The following TENM1 variants were observed in gnomAD, a reference collection of about 807,000 sequenced individuals.
The protein encoded by TENM1 is teneurin-1.
TENM1 carries 35 observed loss-of-function variants against 174.8 expected under a neutral mutation model. The ratio of observed to expected loss-of-function variants is 0.20; its 90% CI spans 0.15 to 0.27. The LOEUF is 0.27. TENM1 is among the 10% of genes least tolerant of loss of function. TENM1 has a pLI of 1.00. For missense variants in TENM1, 1,633 were observed against 2,130.1 expected (o/e 0.77, Z 4.59); for synonymous variants, 781 against 798.7 (o/e 0.98, Z 0.37).
chrX:124,480,213 A>G (rs1479427406), intron 22 of TENM1, among the ~76,000 whole-genome samples: 2 of 111,808 alleles, frequency 1.8e-5, no homozygotes, highest in Non-Finnish European at 3.8e-5. Context: ...CCATTCATGA[A>G]AGCACTGGAA....
At position 124,385,870 on chromosome X, in the gene TENM1, G is replaced by C. The variant is rs778687296; in HGVS notation, c.5883C>G (p.Gly1961=). 4.1e-6 allele frequency: 5 copies of C among 1,210,055 alleles called. No homozygotes were observed. The South Asian group carries it at 8.8e-5, about 21-fold the overall frequency. The stretch of plus-strand genomic sequence containing the variant: ...CCAGATGCAGGGTCTGTAGCAATCG[G>C]CCATCTCGACTATAGTCTTGGATAA... Residue 1961 remains glycine (G), a synonymous_variant, in exon 29 of 32, where the codon GGC becomes GGG. Transcript: ENST00000422452.
At chrX:124,520,847 G>T (rs897067985) in intron 17 of TENM1, 63 bp from the exon 21 acceptor site, 24 of 1,009,975 alleles carry the variant, frequency 2.4e-5, no homozygotes, top group Non-Finnish European at 3.0e-5. Flanking sequence ...GGTAGATGAG[G>T]ATATTGCATG....
chrX:124,801,801 T>C (rs771066737), intron 3 of TENM1, among the ~76,000 whole-genome samples: 43 of 111,462 alleles, frequency 3.9e-4, no homozygotes, highest in Non-Finnish European at 7.5e-4. Context: ...AATCCCTCAG[T>C]ATTTGCTTTT....
chrX:125,061,398 G>A, the TENM1 span, among the ~76,000 whole-genome samples: 1 of 111,952 alleles, frequency 8.9e-6, no homozygotes, highest in Non-Finnish European at 1.9e-5. Flanking sequence ...TGCAAAGTTT[G>A]TCACTTAATT....
At chrX:124,722,133 A>C (rs1345185188) in intron 4 of TENM1, among the ~76,000 whole-genome samples, 1 of 112,570 alleles carries the variant, frequency 8.9e-6, no homozygotes, top group Non-Finnish European at 1.9e-5. Flanking sequence ...CAATGATTTT[A>C]GTTGAAAGGT....
the TENM1 span, among the ~76,000 whole-genome samples, chrX:125,182,180 C>A: frequency 9.1e-6 from 1 of 109,924 alleles, no homozygotes; most frequent in Non-Finnish European, 1.9e-5. Context: ...CTCATGGCCC[C>A]TTCCTCCATT....
Position 124,502,961 on chromosome X carries a change from C to T in TENM1, c.3445+599G>A, listed in dbSNP as rs769539572. Reference sequence around the variant, plus strand: ...AGTTCATGGCCTTATAAGATCGCCTCGCCTTAACCACCTGTTCCACAAAGT... The same window carrying T: ...AGTTCATGGCCTTATAAGATCGCCTTGCCTTAACCACCTGTTCCACAAAGT... On this transcript the variant is annotated intron_variant, in intron 19 of 31. Coordinates refer to ENST00000422452, the Ensembl canonical transcript of TENM1. Among the ~76,000 whole-genome samples the T allele has an allele frequency of 1.3e-4, 14 of 111,652 alleles. No homozygotes were observed. In the South Asian group the frequency reaches 2.2e-3, roughly 18 times the overall value.
intron 4 of TENM1, among the ~76,000 whole-genome samples, chrX:124,715,046 A>G (rs1301683427): frequency 8.9e-6 from 1 of 112,474 alleles, no homozygotes; most frequent in African/African-American, 3.2e-5. Context: ...CCTGTATTAA[A>G]AGGCTCAGGC....
chrX:124,914,224 T>C (rs1045865189), intron 1 of TENM1, among the ~76,000 whole-genome samples: 6 of 112,031 alleles, frequency 5.4e-5, no homozygotes, highest in Non-Finnish European at 1.1e-4. Flanking sequence ...TAATCTAATA[T>C]GGATCTCTAA....
intron 4 of TENM1, among the ~76,000 whole-genome samples, chrX:124,728,522 T>A (rs2053493076): frequency 9.0e-6 from 1 of 111,655 alleles, no homozygotes; most frequent in Non-Finnish European, 1.9e-5. Flanking sequence ...TCACTTAGTA[T>A]CACCTCATGA....
At chrX:124,812,448 C>T (rs1360502478) in intron 3 of TENM1, among the ~76,000 whole-genome samples, 3 of 111,283 alleles carry the variant, frequency 2.7e-5, no homozygotes, top group Non-Finnish European at 5.7e-5. Flanking sequence ...TCCTATAGAT[C>T]CATGCAACTC....
chrX:125,155,190 T>C, the TENM1 span, among the ~76,000 whole-genome samples: 16 of 111,488 alleles, frequency 1.4e-4, no homozygotes, highest in Middle Eastern at 4.6e-3. Context: ...AGATACACAG[T>C]GTCCACACAA....
chrX:124,469,402 A>G (rs188904032), intron 22 of TENM1, among the ~76,000 whole-genome samples: 1 of 111,582 alleles, frequency 9.0e-6, no homozygotes, highest in East Asian at 2.8e-4. Flanking sequence ...GGTAGGTACT[A>G]TTTCCATTTT....
the TENM1 span, among the ~76,000 whole-genome samples, chrX:125,102,830 C>T: frequency 8.9e-6 from 1 of 111,874 alleles, no homozygotes; most frequent in African/African-American, 3.2e-5. Context: ...TATTTCAGGT[C>T]TTATTACATC....
intron 11 of TENM1, among the ~76,000 whole-genome samples, chrX:124,635,249 T>C (rs776410071): frequency 8.0e-5 from 9 of 111,969 alleles, no homozygotes; most frequent in Non-Finnish European, 1.7e-4. Flanking sequence ...AAGTTATTCA[T>C]GGTCACTGTG....
intron 25 of TENM1, among the ~76,000 whole-genome samples, chrX:124,406,902 A>G (rs1419370626): frequency 9.0e-6 from 1 of 111,628 alleles, no homozygotes; most frequent in African/African-American, 3.3e-5. Flanking sequence ...AGGGCCCTCA[A>G]AGGCTGAGAA....
intron 3 of TENM1, among the ~76,000 whole-genome samples, chrX:124,820,036 C>T (rs758375710): frequency 9.0e-6 from 1 of 110,658 alleles, no homozygotes; most frequent in Non-Finnish European, 1.9e-5. Flanking sequence ...ATCCACCTAC[C>T]TCGGCCTCCC....
intron 14 of TENM1, among the ~76,000 whole-genome samples, chrX:124,554,038 G>C (rs1366062653): frequency 9.0e-6 from 1 of 111,453 alleles, no homozygotes; most frequent in Non-Finnish European, 1.9e-5. Context: ...GAAACCAGGA[G>C]GTGGAGGTTG....
At chrX:125,201,728 A>G in the TENM1 span, among the ~76,000 whole-genome samples, 1 of 111,902 alleles carries the variant, frequency 8.9e-6, no homozygotes, top group Non-Finnish European at 1.9e-5. Flanking sequence ...TTAAATGCAT[A>G]TTTCGACTTT....
Sources: gnomAD v4.1 joint callset for allele counts (sites outside exome capture counted in the v4.1 genomes callset) on GRCh38, gnomAD v4.1.1 for gene constraint, MANE v1.5 for transcripts, NCBI Gene and HGNC (gene_info 2026-07-23, HGNC 2026-07-21) for gene names.